Variants in PLCH1 observed in about 807,000 individuals in gnomAD.
PLCH1 encodes phospholipase C eta 1.
In PLCH1, 60 loss-of-function variants were observed where a neutral mutation model predicts 126.7. The ratio of observed to expected loss-of-function variants is 0.47; its 90% CI spans 0.38 to 0.59. PLCH1 has a LOEUF of 0.59. Ranked by LOEUF, PLCH1 falls within the 20% of genes least tolerant of loss-of-function variation. PLCH1 has a pLI of 0.00. For missense variants in PLCH1, 1,723 were observed against 2,040.0 expected, an observed-to-expected ratio of 0.84 and a Z score of 2.99; for synonymous variants, 719 against 734.9, an observed-to-expected ratio of 0.98 and a Z score of 0.35.
chr3:155,686,614 C>A (rs1744969529), intron 2 of PLCH1, among the ~76,000 whole-genome samples: 1 of 152,188 alleles, frequency 6.6e-6, no homozygotes, highest in Non-Finnish European at 1.5e-5. Flanking sequence ...TTTAGACCCA[C>A]CTTCAGCCCA....
chr3:155,662,204 A>C (rs752121322), intron 2 of PLCH1, among the ~76,000 whole-genome samples: 4 of 152,164 alleles, frequency 2.6e-5, no homozygotes, highest in Non-Finnish European at 5.9e-5. Flanking sequence ...CTATAATCCA[A>C]CACTTTGGGA....
At chr3:155,612,933 T>C (rs1162944977) in intron 2 of PLCH1, among the ~76,000 whole-genome samples, 1 of 75,478 alleles carries the variant, frequency 1.3e-5, no homozygotes, top group Non-Finnish European at 2.5e-5. Context: ...AAAGAAAAGA[T>C]CCAAATAAGC....
At chr3:155,610,273 A>T (rs565700753) in intron 2 of PLCH1, among the ~76,000 whole-genome samples, 2 of 148,496 alleles carry the variant, frequency 1.3e-5, no homozygotes, top group African/African-American at 5.0e-5. Flanking sequence ...AGGCAGGAGA[A>T]TCGCTTGAAC....
At chr3:155,695,339 T>C (rs1745714910) in intron 2 of PLCH1, among the ~76,000 whole-genome samples, 2 of 152,194 alleles carry the variant, frequency 1.3e-5, no homozygotes, top group Admixed American at 1.3e-4. Context: ...CTTTTCCTTC[T>C]TCATCTCAGC....
chr3:155,674,400 A>G (rs2108995436), intron 2 of PLCH1, among the ~76,000 whole-genome samples: 1 of 152,324 alleles, frequency 6.6e-6, no homozygotes, highest in African/African-American at 2.4e-5. Context: ...CTGTTTAACA[A>G]TGCAACTCAG....
chr3:155,513,514 C>T (rs759989858), intron 12 of PLCH1, among the ~76,000 whole-genome samples: 1 of 152,202 alleles, frequency 6.6e-6, no homozygotes, highest in East Asian at 1.9e-4. Flanking sequence ...CCAGATAAGC[C>T]AATGAGAGTT....
chr3:155,602,378 T>C (rs1733851390), intron 2 of PLCH1, among the ~76,000 whole-genome samples: 1 of 151,960 alleles, frequency 6.6e-6, no homozygotes, highest in Non-Finnish European at 1.5e-5. Flanking sequence ...GTAGAAAGGA[T>C]AAGAAAGGGA....
At chr3:155,688,794 G>A (rs1221821052) in intron 2 of PLCH1, among the ~76,000 whole-genome samples, 1 of 152,238 alleles carries the variant, frequency 6.6e-6, no homozygotes, top group Non-Finnish European at 1.5e-5. Context: ...GGTGGCCACA[G>A]AGAAAGGCTC....
At chr3:155,475,568 T>A (rs944377075), downstream of PLCH1, among the ~76,000 whole-genome samples, 24 of 152,096 alleles carry the variant, frequency 1.6e-4, no homozygotes, top group African/African-American at 5.6e-4. Context: ...GACAAACCTT[T>A]AGCCAGACTA....
chr3:155,610,378 A>AAAAAAC (rs1734908525), intron 2 of PLCH1, among the ~76,000 whole-genome samples: 2 of 149,620 alleles, frequency 1.3e-5, no homozygotes, highest in African/African-American at 2.5e-5. Context: ...AAAAAAAAAA[A>AAAAAAC]AAAAAAAAAA....
chr3:155,639,434 C>G (rs1473227874), intron 2 of PLCH1, among the ~76,000 whole-genome samples: 1 of 152,162 alleles, frequency 6.6e-6, no homozygotes, highest in Non-Finnish European at 1.5e-5. Flanking sequence ...GCATTCCAGG[C>G]TGGGCTACAG....
At chr3:155,681,472 G>A (rs1458211336) in intron 2 of PLCH1, among the ~76,000 whole-genome samples, 1 of 152,294 alleles carries the variant, frequency 6.6e-6, no homozygotes, top group East Asian at 1.9e-4. Context: ...GCAAGTCTGT[G>A]ATAGACCTGG....
At chr3:155,491,902 G>A (rs958744739) in intron 18 of PLCH1, among the ~76,000 whole-genome samples, 5 of 152,132 alleles carry the variant, frequency 3.3e-5, no homozygotes, top group Non-Finnish European at 4.4e-5. Flanking sequence ...GAAATATCTT[G>A]TATTGTTGGT....
intron 21 of PLCH1, among the ~76,000 whole-genome samples, chr3:155,460,013 C>A (rs1712649560): frequency 6.6e-6 from 1 of 152,030 alleles, no homozygotes; most frequent in South Asian, 2.1e-4. Context: ...GGATGTGGCC[C>A]AGCAATCTGT....
At chr3:155,497,456 T>C (rs1264987628) in intron 14 of PLCH1, 39 bp from the exon 15 acceptor site, 2 of 1,414,784 alleles carry the variant, frequency 1.4e-6, no homozygotes, top group African/African-American at 1.4e-5. Flanking sequence ...CATTTTGGAG[T>C]TGAAAGAGGT....
intron 2 of PLCH1, among the ~76,000 whole-genome samples, chr3:155,621,438 G>C (rs1736480516): frequency 6.6e-6 from 1 of 152,170 alleles, no homozygotes; most frequent in Non-Finnish European, 1.5e-5. Context: ...GTAGGCTTCA[G>C]AAGGTGAGTA....
At chr3:155,613,360 A>C (rs1023798216) in intron 2 of PLCH1, among the ~76,000 whole-genome samples, 36 of 152,204 alleles carry the variant, frequency 2.4e-4, no homozygotes, top group African/African-American at 8.4e-4. Flanking sequence ...AACAAAAAAA[A>C]ACAGACCAAT....
At chr3:155,563,478 A>T (rs1399137857) in intron 8 of PLCH1, among the ~76,000 whole-genome samples, 1 of 151,896 alleles carries the variant, frequency 6.6e-6, no homozygotes, top group Non-Finnish European at 1.5e-5. Flanking sequence ...ACCAGTTTCC[A>T]CTAAGTTTAC....
intron 2 of PLCH1, among the ~76,000 whole-genome samples, chr3:155,616,945 C>A (rs1257862376): frequency 6.6e-6 from 1 of 151,860 alleles, no homozygotes; most frequent in Non-Finnish European, 1.5e-5. Flanking sequence ...ATTAGTTCCC[C>A]TAGAATCCAA....
Sources: allele counts gnomAD v4.1 joint callset (sites outside exome capture counted in the v4.1 genomes callset), GRCh38; gene constraint gnomAD v4.1.1; transcripts MANE v1.5; gene names NCBI Gene and HGNC (gene_info 2026-07-23, HGNC 2026-07-21).